The following ISY1 variants were observed in gnomAD, a reference collection of about 807,000 sequenced individuals.
ISY1 encodes pre-mRNA-splicing factor ISY1 homolog.
In ISY1, 12 loss-of-function variants were observed where a neutral mutation model predicts 54.4. That is an observed-to-expected ratio of 0.22 (90% CI 0.14 to 0.36). The LOEUF is 0.36. ISY1 is among the 10% of genes least tolerant of loss of function. The pLI is 1.00. For missense variants in ISY1, 282 were observed against 342.2 expected, an observed-to-expected ratio of 0.82 and a Z score of 1.39; for synonymous variants, 96 against 117.9, an observed-to-expected ratio of 0.81 and a Z score of 1.20.
chr3:129,143,305 G>A (rs920039752), intron 6 of ISY1, among the ~76,000 whole-genome samples: 15 of 151,724 alleles, frequency 9.9e-5, no homozygotes, highest in Admixed American at 8.5e-4. Flanking sequence ...TCAGGAGTTC[G>A]AGACCAGCCT....
intron 9 of ISY1, among the ~76,000 whole-genome samples, chr3:129,133,658 C>T (rs1312520873): frequency 6.6e-6 from 1 of 152,188 alleles, no homozygotes; most frequent in African/African-American, 2.4e-5. Context: ...TGTGCCACTG[C>T]ACTCCAGCCT....
In ISY1 at chr3:129,138,405, G is replaced by A. The variant is rs1241313373; in HGVS notation, c.418+1963C>T. ...AATCCCAGCACTTTGGGAAGCTGAG[G>A]CAGGTGGATCACGAGGTCAGGAGAT... is the stretch of plus-strand genomic sequence containing the variant. On this transcript the variant is annotated intron_variant, in intron 7 of 10. Transcript: ENST00000393295. Among the ~76,000 whole-genome samples, 3 of 151,806 alleles carry A rather than the reference G, an allele frequency of 2.0e-5. No individual in the cohort carries two copies. The South Asian group carries it at 6.2e-4, about 32-fold the overall frequency.
At chr3:129,145,546 C>T (rs2107610816) in intron 6 of ISY1, among the ~76,000 whole-genome samples, 1 of 152,128 alleles carries the variant, frequency 6.6e-6, no homozygotes, top group South Asian at 2.1e-4. Context: ...AAACACGAGG[C>T]CGAGAGATGA....
chr3:129,151,624 A>T (rs1401605973), intron 5 of ISY1, among the ~76,000 whole-genome samples: 1 of 152,158 alleles, frequency 6.6e-6, no homozygotes, highest in Non-Finnish European at 1.5e-5. Context: ...GCGAGACTCC[A>T]TCTCAAAAAA....
intron 3 of ISY1, among the ~76,000 whole-genome samples, chr3:129,157,734 A>G (rs1937187188): frequency 6.6e-6 from 1 of 151,352 alleles, no homozygotes; most frequent in Non-Finnish European, 1.5e-5. Context: ...AAAAAAAAAA[A>G]AAAAGGGCCG....
chr3:129,140,184 T>A (rs537176918), intron 7 of ISY1, among the ~76,000 whole-genome samples, 184 bp downstream of exon 7: 1 of 152,198 alleles, frequency 6.6e-6, no homozygotes, highest in Admixed American at 6.5e-5. Context: ...CCCAATTGTA[T>A]GGCATGGGCC....
intron 7 of ISY1, 69 bp downstream of exon 7, chr3:129,140,299 T>A: frequency 7.3e-7 from 1 of 1,368,336 alleles, no homozygotes; most frequent in African/African-American, 1.5e-5. Context: ...TAAGAGCAGT[T>A]AGCATATAGC....
At chr3:129,140,560 G>A in intron 6 of ISY1, 75 bp from the exon 7 acceptor site, 2 of 1,420,848 alleles carry the variant, frequency 1.4e-6, no homozygotes, top group Non-Finnish European at 1.9e-6. Flanking sequence ...TTTATTTGAG[G>A]CGGAGTCTCG....
chr3:129,137,551 A>T (rs1480243420), intron 7 of ISY1, among the ~76,000 whole-genome samples: 6 of 152,158 alleles, frequency 3.9e-5, no homozygotes, highest in Non-Finnish European at 8.8e-5. Context: ...TGGAAGGAAC[A>T]GCCAGGCGAG....
chr3:129,131,729 C>A (rs925236591), intron 9 of ISY1, among the ~76,000 whole-genome samples: 5 of 152,172 alleles, frequency 3.3e-5, no homozygotes, highest in Non-Finnish European at 7.3e-5. Context: ...ACAGCATGAT[C>A]CCATTTATAA....
At chr3:129,149,180 C>G (rs888119276) in intron 5 of ISY1, among the ~76,000 whole-genome samples, 1 of 151,690 alleles carries the variant, frequency 6.6e-6, no homozygotes, top group Non-Finnish European at 1.5e-5. Flanking sequence ...ACCTGTAATC[C>G]CAGCACTTTG....
At chr3:129,130,350 T>C (rs915477093) in intron 10 of ISY1, among the ~76,000 whole-genome samples, 162 bp from the exon 11 acceptor site, 8 of 152,140 alleles carry the variant, frequency 5.3e-5, no homozygotes, top group Admixed American at 3.9e-4. Flanking sequence ...TTGGAAACAT[T>C]TGAACGATAG....
At chr3:129,150,231 A>G (rs1379491884) in intron 5 of ISY1, among the ~76,000 whole-genome samples, 1 of 152,188 alleles carries the variant, frequency 6.6e-6, no homozygotes, top group Non-Finnish European at 1.5e-5. Flanking sequence ...CAATGTAAAC[A>G]AAAAATCCTG....
intron 7 of ISY1, among the ~76,000 whole-genome samples, chr3:129,139,587 G>A (rs1222109579): frequency 1.3e-5 from 2 of 149,788 alleles, no homozygotes; most frequent in Non-Finnish European, 3.0e-5. Flanking sequence ...TTGGCTGAAA[G>A]AAGGAGGAAA....
chr3:129,140,513 G>T, intron 6 of ISY1, 28 bp from the exon 7 acceptor site: 1 of 1,577,584 alleles, frequency 6.3e-7, no homozygotes, highest in Non-Finnish European at 8.6e-7. Flanking sequence ...AAGAGAAAAT[G>T]GATCTGTTAG....
chr3:129,133,741 C>A (rs1237056925), intron 9 of ISY1, among the ~76,000 whole-genome samples: 2 of 152,130 alleles, frequency 1.3e-5, no homozygotes, highest in African/African-American at 2.4e-5. Context: ...AGAGCAACTG[C>A]CACTGACACG....
chr3:129,153,900 T>C (rs1483696664), intron 5 of ISY1, among the ~76,000 whole-genome samples: 1 of 151,994 alleles, frequency 6.6e-6, no homozygotes, highest in Non-Finnish European at 1.5e-5. Context: ...AGGTCAGGAA[T>C]TGAAGACCAG....
At chr3:129,141,938 C>T (rs1936629158) in intron 6 of ISY1, among the ~76,000 whole-genome samples, 1 of 151,970 alleles carries the variant, frequency 6.6e-6, no homozygotes, top group Non-Finnish European at 1.5e-5. Flanking sequence ...GGTGCGGTGG[C>T]TCACATCTGT....
intron 5 of ISY1, among the ~76,000 whole-genome samples, chr3:129,152,512 G>C (rs1401508323): frequency 1.3e-5 from 2 of 151,300 alleles, no homozygotes; most frequent in Non-Finnish European, 2.9e-5. Context: ...CCAGCGATTC[G>C]CCTGCCTCAG....
Sources: allele counts gnomAD v4.1 joint callset (sites outside exome capture counted in the v4.1 genomes callset), GRCh38; gene constraint gnomAD v4.1.1; transcripts MANE v1.5; gene names NCBI Gene and HGNC (gene_info 2026-07-23, HGNC 2026-07-21).